Variants in NKAIN3 observed in about 807,000 individuals in gnomAD.
The protein encoded by NKAIN3 is sodium/potassium transporting ATPase interacting 3, also known as sodium/potassium-transporting ATPase subunit beta-1-interacting protein 3.
A neutral mutation model predicts 30.2 loss-of-function variants in NKAIN3; 25 were observed. That is an observed-to-expected ratio of 0.83 (90% CI 0.60 to 1.16). The LOEUF (loss-of-function observed/expected upper bound fraction) is 1.16, where lower values mean the gene tolerates loss of function less well. Among genes scored for constraint, NKAIN3 ranks in the 50% most tolerant of loss-of-function variants. The pLI is 0.00. For synonymous variants in NKAIN3, 91 were observed against 89.6 expected (o/e 1.02, Z -0.09); for missense variants, 225 against 254.1 (o/e 0.89, Z 0.78).
chr8:62,520,549 C>T (rs978646391), intron 1 of NKAIN3, among the ~76,000 whole-genome samples: 15 of 151,994 alleles, frequency 9.9e-5, no homozygotes, highest in African/African-American at 3.1e-4. Flanking sequence ...AAATTTTTAT[C>T]GGCAGTACTT....
intron 5 of NKAIN3, among the ~76,000 whole-genome samples, chr8:62,923,894 C>G (rs1177536806): frequency 6.6e-6 from 1 of 152,204 alleles, no homozygotes; most frequent in Non-Finnish European, 1.5e-5. Flanking sequence ...CAGACTCTCT[C>G]TCAAGAATAT....
At chr8:62,342,816 T>A (rs1426768596) in intron 1 of NKAIN3, among the ~76,000 whole-genome samples, 3 of 152,086 alleles carry the variant, frequency 2.0e-5, no homozygotes, top group African/African-American at 7.2e-5. Flanking sequence ...AAATAATTAC[T>A]CTTGAGAGGT....
In NKAIN3 at chr8:62,683,757, G is replaced by A. The variant is rs117571260; in HGVS notation, c.274-63175G>A. On this transcript the variant is annotated intron_variant, in intron 3 of 6. Coordinates refer to ENST00000623646, the MANE Select transcript of NKAIN3 (RefSeq NM_001304533.3). ...ACCCTGAGAAGATGGAATGAAAGGG[G>A]ATTTGGTCTGGCTCTCACAAGCTTT... Among the ~76,000 whole-genome samples, 1,517 of 152,210 alleles carry A rather than the reference G, an allele frequency of 1.0e-2. 12 individuals are homozygous for A. Among genetic ancestry groups the A allele is most frequent in the Non-Finnish European group, 0.014 (984 of 68,010 alleles).
intron 4 of NKAIN3, chr8:62,856,837 A>G: frequency 3.3e-6 from 2 of 605,318 alleles, no homozygotes; most frequent in Non-Finnish European, 6.1e-6. Context: ...CATCACTGCC[A>G]AGAGATCTCA....
At chr8:62,803,001 TC>T (rs1818125346) in intron 4 of NKAIN3, among the ~76,000 whole-genome samples, 1 of 151,736 alleles carries the variant, frequency 6.6e-6, no homozygotes, top group Non-Finnish European at 1.5e-5. Flanking sequence ...ACCAACAAGA[TC>T]AAAAGAGACA....
At chr8:62,988,068 C>A (rs1824240303), downstream of NKAIN3, among the ~76,000 whole-genome samples, 1 of 152,188 alleles carries the variant, frequency 6.6e-6, no homozygotes, top group African/African-American at 2.4e-5. Context: ...CTTAAATTTC[C>A]AAAATGATCT....
intron 1 of NKAIN3, among the ~76,000 whole-genome samples, chr8:62,360,646 CAG>C (rs1338495969): frequency 6.6e-6 from 1 of 152,102 alleles, no homozygotes; most frequent in East Asian, 1.9e-4. Context: ...CTGCTTGATT[CAG>C]AGTCGAGTTC....
At chr8:62,529,788 C>T (rs1808430315) in intron 1 of NKAIN3, among the ~76,000 whole-genome samples, 1 of 152,120 alleles carries the variant, frequency 6.6e-6, no homozygotes, top group Non-Finnish European at 1.5e-5. Flanking sequence ...CTGGTACTTT[C>T]AGAGCATTCT....
intron 1 of NKAIN3, among the ~76,000 whole-genome samples, chr8:62,252,409 A>G (rs1171954402): frequency 2.6e-5 from 4 of 152,236 alleles, no homozygotes; most frequent in Admixed American, 1.3e-4. Flanking sequence ...GTGGGAAAAT[A>G]AAAACTCAAA....
intron 1 of NKAIN3, among the ~76,000 whole-genome samples, chr8:62,398,090 C>G (rs987958670): frequency 6.6e-6 from 1 of 152,094 alleles, no homozygotes; most frequent in Admixed American, 6.5e-5. Context: ...CCAAACAGCC[C>G]AAGAAGCAGG....
At chr8:62,410,435 T>C (rs1804203555) in intron 1 of NKAIN3, among the ~76,000 whole-genome samples, 1 of 152,202 alleles carries the variant, frequency 6.6e-6, no homozygotes, top group Non-Finnish European at 1.5e-5. Context: ...TATATGTGTC[T>C]TTTTGGTATA....
At chr8:62,714,206 T>A (rs1015890036) in intron 3 of NKAIN3, among the ~76,000 whole-genome samples, 1 of 152,128 alleles carries the variant, frequency 6.6e-6, no homozygotes, top group Non-Finnish European at 1.5e-5. Context: ...TATATTCAGA[T>A]AGGTTTATTG....
intron 1 of NKAIN3, among the ~76,000 whole-genome samples, chr8:62,560,829 T>A (rs1441873439): frequency 6.6e-6 from 1 of 151,988 alleles, no homozygotes; most frequent in African/African-American, 2.4e-5. Context: ...GGGTGAGCCA[T>A]CACGGAATCT....
chr8:62,496,741 T>C (rs1376766), intron 1 of NKAIN3, among the ~76,000 whole-genome samples: 131,799 of 152,186 alleles, frequency 0.87, 57,156 homozygotes, highest in Middle Eastern at 0.91. Context: ...TTCAAAAAAA[T>C]GGAGCTAAAA....
At chr8:62,609,437 A>G (rs1673365630) in intron 3 of NKAIN3, among the ~76,000 whole-genome samples, 1 of 152,198 alleles carries the variant, frequency 6.6e-6, no homozygotes, top group Admixed American at 6.5e-5. Flanking sequence ...GTTCCAACTC[A>G]TTAACATTTT....
intron 6 of NKAIN3, among the ~76,000 whole-genome samples, chr8:62,955,288 A>G (rs28680269): frequency 1.3e-5 from 2 of 152,214 alleles, no homozygotes; most frequent in Non-Finnish European, 2.9e-5. Context: ...TTCACCCTAT[A>G]TAACACTCCA....
rs548873806 is a variant in NKAIN3 at position 62,553,698 on chromosome 8, G to A, written c.55-25841G>A. ...ATTACAGGCACCCACCAACACACCCGGCTAATTTTTGTATTTTCTACTGGA... is the reference window on the plus strand; with the variant it reads ...ATTACAGGCACCCACCAACACACCCAGCTAATTTTTGTATTTTCTACTGGA... On this transcript the variant is annotated intron_variant, in intron 1 of 6. Coordinates refer to ENST00000623646, the MANE Select transcript of NKAIN3 (RefSeq NM_001304533.3). 5.9e-5 allele frequency among the ~76,000 whole-genome samples: 9 copies of A among 151,776 alleles called. No individual in the cohort carries two copies. In the South Asian group the frequency reaches 6.3e-4, roughly 11 times the overall value.
At chr8:62,918,373 T>C in intron 4 of NKAIN3, 80 bp from the exon 5 acceptor site, 2 of 982,904 alleles carry the variant, frequency 2.0e-6, no homozygotes, top group Non-Finnish European at 3.2e-6. Flanking sequence ...TAAATATTTA[T>C]CTTTATTAGA....
rs201692775 is a variant in NKAIN3 at position 62,670,142 on chromosome 8, C to A, written c.274-76790C>A. On this transcript the variant is annotated intron_variant, in intron 3 of 6. Transcript: ENST00000623646. ...CGAGAAGAGACATAGAGAATGAATACTTATTATAAAAAACACTGTACCCCA... is the reference window on the plus strand; with the variant it reads ...CGAGAAGAGACATAGAGAATGAATAATTATTATAAAAAACACTGTACCCCA... 5.9e-5 allele frequency among the ~76,000 whole-genome samples: 9 copies of A among 152,094 alleles called. No homozygotes were observed. In the East Asian group the frequency reaches 1.7e-3, roughly 29 times the overall value.
Sources: allele counts gnomAD v4.1 joint callset (sites outside exome capture counted in the v4.1 genomes callset), GRCh38; gene constraint gnomAD v4.1.1; transcripts MANE v1.5; gene names NCBI Gene and HGNC (gene_info 2026-07-23, HGNC 2026-07-21).